SDC1: variants seen among roughly 807,000 people sequenced by gnomAD.
SDC1 encodes the protein syndecan-1.
In SDC1, 14 loss-of-function variants were observed where a neutral mutation model predicts 29.7. The observed-to-expected ratio is 0.47, with a 90% CI of 0.31 to 0.74. The LOEUF is 0.74. Ranked by LOEUF, SDC1 falls within the 30% of genes least tolerant of loss-of-function variation. SDC1 has a pLI of 0.05. For synonymous variants in SDC1, 204 were observed against 175.5 expected (o/e 1.16, Z -1.29); for missense variants, 406 against 400.3 (o/e 1.01, Z -0.12).
At chr2:20,216,412 T>C (rs964132599) in intron 1 of SDC1, among the ~76,000 whole-genome samples, 16 of 152,072 alleles carry the variant, frequency 1.1e-4, no homozygotes, top group African/African-American at 3.9e-4. Flanking sequence ...CACCCTGCGG[T>C]TTTCTCTGGG....
intron 2 of SDC1, 78 bp from the exon 3 acceptor site, chr2:20,204,369 G>C (rs1237671733): frequency 2.2e-6 from 2 of 921,168 alleles, no homozygotes; most frequent in Non-Finnish European, 3.4e-6. Context: ...GGGTGGGTCG[G>C]GGGAGGCTCC....
chr2:20,212,288 G>A (rs538095316), intron 1 of SDC1, among the ~76,000 whole-genome samples: 1 of 152,346 alleles, frequency 6.6e-6, no homozygotes, highest in African/African-American at 2.4e-5. Flanking sequence ...ACGGGGTGGT[G>A]CCAGAAACAC....
chr2:20,210,980 A>G (rs1406168138), intron 1 of SDC1, among the ~76,000 whole-genome samples: 1 of 152,144 alleles, frequency 6.6e-6, no homozygotes, highest in East Asian at 1.9e-4. Flanking sequence ...TACACATACA[A>G]GGAAAACAGG....
At chr2:20,207,830 C>T (rs1677328831) in intron 1 of SDC1, 1 of 494,372 alleles carries the variant, frequency 2.0e-6, no homozygotes. Flanking sequence ...TCCCAGAGCT[C>T]TGAAGCTGCC....
intron 1 of SDC1, among the ~76,000 whole-genome samples, chr2:20,205,733 A>C (rs1025610924): frequency 6.6e-6 from 1 of 152,164 alleles, no homozygotes; most frequent in African/African-American, 2.4e-5. Context: ...AGAAGGGCAG[A>C]CAGGGAGCTG....
At chr2:20,212,270 C>G (rs1677488917) in intron 1 of SDC1, among the ~76,000 whole-genome samples, 1 of 152,288 alleles carries the variant, frequency 6.6e-6, no homozygotes, top group African/African-American at 2.4e-5. Context: ...GGCCTCTGTC[C>G]CTAAATTACG....
intron 1 of SDC1, among the ~76,000 whole-genome samples, chr2:20,217,601 C>T: frequency 6.6e-6 from 1 of 152,184 alleles, no homozygotes. Flanking sequence ...GGAGGCAGGG[C>T]CAAGACAGAA....
rs545180164 is a variant in SDC1, at chr2:20,200,870, C to G, written c.*1896G>C. ...AGCCTCTGGCTTGGGCACCGTCCCA[C>G]GGACCAGCAGATGAGCATGGTCAGC... On this transcript the variant is annotated 3_prime_UTR_variant, in exon 5 of 5. Transcript: ENST00000254351. 1.5e-4 allele frequency: 23 copies of G among 152,292 alleles called. No individual in the cohort carries two copies. Among genetic ancestry groups the G allele is most frequent in the African/African-American group, 5.5e-4 (23 of 41,452 alleles). 9.4% of individuals were successfully genotyped at this position (152,292 alleles called of 1,614,324 possible).
intron 1 of SDC1, among the ~76,000 whole-genome samples, chr2:20,206,931 G>A (rs1422851902): frequency 2.0e-5 from 3 of 152,220 alleles, no homozygotes; most frequent in Non-Finnish European, 4.4e-5. Context: ...TGAAAGGGAG[G>A]TAGATAAAGT....
At chr2:20,211,903 C>A (rs1677477882) in intron 1 of SDC1, among the ~76,000 whole-genome samples, 1 of 152,230 alleles carries the variant, frequency 6.6e-6, no homozygotes, top group African/African-American at 2.4e-5. Flanking sequence ...CTGAAAACGG[C>A]CTAAGCACTG....
chr2:20,211,152 G>A (rs1032397834), intron 1 of SDC1, among the ~76,000 whole-genome samples: 1 of 152,110 alleles, frequency 6.6e-6, no homozygotes, highest in Non-Finnish European at 1.5e-5. Flanking sequence ...CAGCTTCAGG[G>A]TCCCCAAGAA....
upstream of SDC1, chr2:20,225,398 C>G (rs894044935): frequency 6.6e-6 from 1 of 152,306 alleles, no homozygotes; most frequent in East Asian, 1.9e-4. Context: ...TGCCCGGGCC[C>G]GGAGTGCGGA....
In SDC1 at chr2:20,203,886, G is replaced by A; in HGVS notation, c.554C>T (p.Pro185Leu). 6.2e-7 allele frequency: 1 copy of A among 1,611,934 alleles called. No homozygotes were observed. Among genetic ancestry groups the A allele is most frequent in the Non-Finnish European group, 8.5e-7 (1 of 1,179,368 alleles). The change falls in exon 3 of 5, where the codon CCT becomes CTT. Residue 185 changes from proline to leucine, a missense_variant. Transcript: ENST00000254351. ...LHTPHTEDGG[P>L]SATERAAEDG... ...CTCAGCAGCCCTCTCGGTGGCAGAA[G>A]GACCTCCATCCTCTGTGTGGGGAGT...
chr2:20,221,516 T>C (rs1677813294), intron 1 of SDC1, among the ~76,000 whole-genome samples: 1 of 152,196 alleles, frequency 6.6e-6, no homozygotes, highest in Non-Finnish European at 1.5e-5. Context: ...GATTAAATCA[T>C]GCCTAGCATT....
chr2:20,225,040 C>T lies in SDC1; in HGVS notation c.-173G>A. 1 of 766,562 alleles carries T rather than the reference C, an allele frequency of 1.3e-6. No homozygotes were observed. Among genetic ancestry groups the T allele is most frequent in the Middle Eastern group, 4.7e-4 (1 of 2,106 alleles). 47.5% of individuals were successfully genotyped at this position (766,562 alleles called of 1,614,324 possible). On this transcript the variant is annotated 5_prime_UTR_variant, in exon 1 of 5. Transcript: ENST00000254351. ...GTCCGCTCTCTACTGCCGGATTCCTCTCCGCTCGGCTCGGATTCGGCCCGC... is the reference window on the plus strand; with the variant it reads ...GTCCGCTCTCTACTGCCGGATTCCTTTCCGCTCGGCTCGGATTCGGCCCGC...
chr2:20,202,954 G>A lies in SDC1; in HGVS notation c.764-19C>T, dbSNP rs758087293. ...ATGACCCCTAGGGCAGGTAGACGGG[G>A]CCAGCTCAGCTCAGCGGCTCCTTGG... On this transcript the variant is annotated intron_variant, in intron 4 of 4. Transcript: ENST00000254351. 20 of 1,596,180 alleles carry A rather than the reference G, an allele frequency of 1.3e-5. No individual in the cohort carries two copies. The highest frequency in any genetic ancestry group is 1.7e-5 in the Non-Finnish European group (20 of 1,168,738).
At position 20,202,445 on chromosome 2, in the gene SDC1, CT is replaced by C; in HGVS notation, c.*320del. 1 of 604,500 alleles carries C rather than the reference CT, an allele frequency of 1.7e-6. No homozygotes were observed. Among genetic ancestry groups the C allele is most frequent in the African/African-American group, 1.9e-5 (1 of 53,752 alleles). 37.4% of individuals were successfully genotyped at this position (604,500 alleles called of 1,614,324 possible). A position where few individuals can be genotyped will look rare whatever the true frequency, so the allele number is the denominator to read the frequency against. On this transcript the variant is annotated 3_prime_UTR_variant, in exon 5 of 5. Transcript: ENST00000254351. ...TTAGGTCCAAAGCAGTCGGATCCCCCTCCCCTCCAGAGCTGGACCTGGGGAG... is the reference window on the plus strand; with the variant it reads ...TTAGGTCCAAAGCAGTCGGATCCCCCCCCCTCCAGAGCTGGACCTGGGGAG...
Position 20,205,262 on chromosome 2 carries a change from A to C in SDC1, c.148+81T>G, listed in dbSNP as rs918873313. The C allele has an allele frequency of 1.2e-5, 13 of 1,090,972 alleles. No homozygotes were observed. The African/African-American group carries it at 1.8e-4, about 16-fold the overall frequency. The allele number at this position is 1,090,972 out of a possible 1,614,324, so 67.6% of individuals were successfully genotyped here. ...GGTGCACTCAGTACATGCTCAGTAAACACAGGAGACTGCCTGACCACTGCC... is the reference window on the plus strand; with the variant it reads ...GGTGCACTCAGTACATGCTCAGTAACCACAGGAGACTGCCTGACCACTGCC... On this transcript the variant is annotated intron_variant, in intron 2 of 4. Coordinates refer to ENST00000254351, the MANE Select transcript of SDC1 (RefSeq NM_002997.5).
At position 20,217,641 on chromosome 2, in the gene SDC1, T is replaced by G. The variant is rs191398850; in HGVS notation, c.66+7161A>C. ...AGGCCCCTGAGCCCCGGCTGTGTCT[T>G]GCTGCACTCTCTGCCTCGTGCCGGC... On this transcript the variant is annotated intron_variant, in intron 1 of 4. Transcript: ENST00000254351. Among the ~76,000 whole-genome samples, 10 of 152,304 alleles carry G rather than the reference T, an allele frequency of 6.6e-5. No homozygotes were observed. The East Asian group carries it at 1.9e-3, about 29-fold the overall frequency.
Sources: allele counts gnomAD v4.1 joint callset (sites outside exome capture counted in the v4.1 genomes callset), GRCh38; gene constraint gnomAD v4.1.1; transcripts MANE v1.5; gene names NCBI Gene and HGNC (gene_info 2026-07-23, HGNC 2026-07-21).